BAHD1: variants seen among roughly 807,000 people sequenced by gnomAD.
BAHD1 encodes the protein bromo adjacent homology domain containing 1.
Under a neutral mutation model 63.1 loss-of-function variants are expected in BAHD1, and 20 were observed. The observed-to-expected ratio is 0.32, with a 90% CI of 0.22 to 0.46. BAHD1 has a LOEUF of 0.46. BAHD1 is among the 20% of genes least tolerant of loss of function. BAHD1 has a pLI of 1.00. For missense variants in BAHD1, 939 were observed against 1,071.8 expected, an observed-to-expected ratio of 0.88 and a Z score of 1.73; for synonymous variants, 408 against 426.8, an observed-to-expected ratio of 0.96 and a Z score of 0.54.
intron 3 of BAHD1, among the ~76,000 whole-genome samples, chr15:40,463,270 A>G (rs886584723): frequency 2.0e-5 from 3 of 152,238 alleles, no homozygotes; most frequent in African/African-American, 7.2e-5. Context: ...GCACCACTGC[A>G]TTCCAGCCTG....
intron 1 of BAHD1, among the ~76,000 whole-genome samples, chr15:40,442,341 C>T (rs1034620492): frequency 2.6e-5 from 4 of 151,892 alleles, no homozygotes; most frequent in African/African-American, 4.8e-5. Context: ...GCGGCACTGG[C>T]TTGCCGCTCT....
rs774137662 is a variant in BAHD1 at position 40,458,654 on chromosome 15, C to T, written c.190C>T (p.Pro64Ser). The T allele has an allele frequency of 6.2e-7, 1 of 1,613,674 alleles. No homozygotes were observed. The highest frequency in any genetic ancestry group is 8.5e-7 in the Non-Finnish European group (1 of 1,179,874). The change falls in exon 2 of 7, where the codon CCT becomes TCT. Residue 64 changes from proline to serine, a missense_variant. By Grantham distance (74) the Pro-to-Ser change is moderately conservative (BLOSUM62 -1). Transcript: ENST00000416165. This position sits in a 1 kb window ranked among gnomAD's most constrained non-coding sequence, Gnocchi z 4.7. ...NYPLRKRPLV[P>S]EKPKACKVLL... ...CCCACTTCGTAAGCGCCCATTGGTTCCTGAGAAGCCCAAGGCCTGCAAAGT... is the reference window on the plus strand; with the variant it reads ...CCCACTTCGTAAGCGCCCATTGGTTTCTGAGAAGCCCAAGGCCTGCAAAGT...
chr15:40,465,738 G>T (rs1894180810), intron 6 of BAHD1, among the ~76,000 whole-genome samples: 1 of 152,188 alleles, frequency 6.6e-6, no homozygotes, highest in Non-Finnish European at 1.5e-5. Context: ...AGAGGCCCTG[G>T]CAAGTGTGGT....
upstream of BAHD1, among the ~76,000 whole-genome samples, chr15:40,437,455 C>T (rs911957865): frequency 6.6e-6 from 1 of 152,220 alleles, no homozygotes; most frequent in Admixed American, 6.5e-5. Context: ...TTCCCCCACC[C>T]CCCAGGGGCT....
Position 40,458,309 on chromosome 15 carries a change from TC to T in BAHD1, c.-14-139del. 2.8e-6 allele frequency: 3 copies of T among 1,087,414 alleles called. No individual in the cohort carries two copies. The highest frequency in any genetic ancestry group is 2.5e-6 in the Non-Finnish European group (2 of 790,092). 67.4% of individuals were successfully genotyped at this position (1,087,414 alleles called of 1,614,324 possible). ...GCCCCTTCACACTCTGGAAAGGGAGTCCCAGGAAAATCCATACTGGAGACAG... is the reference window on the plus strand; with the variant it reads ...GCCCCTTCACACTCTGGAAAGGGAGTCCAGGAAAATCCATACTGGAGACAG... On this transcript the variant is annotated intron_variant, in intron 1 of 6. Transcript: ENST00000416165. This position sits in a 1 kb window ranked among gnomAD's most constrained non-coding sequence, Gnocchi z 4.7.
rs868103082 is a variant in BAHD1, at chr15:40,466,005, C to T, written c.2218C>T (p.Pro740Ser). 3 of 1,613,308 alleles carry T rather than the reference C, an allele frequency of 1.9e-6. No individual in the cohort carries two copies. Among genetic ancestry groups the T allele is most frequent in the Admixed American group, 1.7e-5 (1 of 59,796 alleles). The change falls in exon 7 of 7, where the codon CCC (proline) becomes TCC (serine). Residue 740 changes from proline to serine, a missense_variant. Transcript: ENST00000416165. ...LPSRKTALVP[P>S]SADYSTPPHR... ...CAGCCGAAAGACAGCACTGGTTCCC[C>T]CCTCTGCAGACTATTCCACCCCACC...
rs1364389975 is a variant in BAHD1 at position 40,465,946 on chromosome 15, G to A, written c.2159G>A (p.Cys720Tyr). ...VLTFAEYCRF[C>Y]AMAKRRGEGL... The stretch of plus-strand genomic sequence containing the variant: ...TGAATGGTATCTCTCTACAGGTTCT[G>A]TGCCATGGCCAAGCGCCGAGGTGAA... Residue 720 changes from cysteine (C) to tyrosine (Y), a missense_variant, in exon 7 of 7, where the codon TGT (cysteine) becomes TAT (tyrosine). Cys to Tyr is a radical substitution (Grantham distance 194, BLOSUM62 -2). This residue lies in a region of BAHD1 where 31 missense variants were observed against 68.1 expected (regional missense o/e 0.46). Transcript: ENST00000416165. 1.3e-6 allele frequency: 2 copies of A among 1,590,588 alleles called. No homozygotes were observed. The highest frequency in any genetic ancestry group is 1.7e-6 in the Non-Finnish European group (2 of 1,169,200).
Position 40,466,359 on chromosome 15 carries a change from A to G in BAHD1, c.*229A>G, listed in dbSNP as rs1894207928. The G allele has an allele frequency of 2.6e-5, 10 of 383,538 alleles. No homozygotes were observed. Among genetic ancestry groups the G allele is most frequent in the Non-Finnish European group, 3.7e-5 (8 of 215,920 alleles). 23.8% of individuals were successfully genotyped at this position (383,538 alleles called of 1,614,324 possible). ...CAGAACTCTCAGCTTGGCCCAAGGT[A>G]CCTTCTGTGGTTCCCCTGGGTGGAG... On this transcript the variant is annotated 3_prime_UTR_variant, in exon 7 of 7. Transcript: ENST00000416165.
chr15:40,462,380 TGGTTCTAGCTACTCTGAGAGCTG>T, intron 3 of BAHD1, 86 bp downstream of exon 3: 1 of 1,493,642 alleles, frequency 6.7e-7, no homozygotes, highest in Non-Finnish European at 9.0e-7. Context: ...TAGAAGCACC[TGGTTCTAGCTACTCTGAGAGCTG>T]ACAAGGGACT....
rs200116152 is a variant in BAHD1, at chr15:40,459,587, G to C, written c.1123G>C (p.Ala375Pro). The part of the protein sequence containing the change: ...NGLCVGPELT[A>P]LGSFYLYCGQ... ...CCTGTGTGTTGGGCCTGAGCTCACT[G>C]CACTAGGCAGCTTCTACCTGTACTG... Residue 375 changes from alanine (A) to proline (P), a missense_variant, in exon 2 of 7, where the codon GCA (alanine) becomes CCA (proline). Around this residue, in one of 5 missense-constraint regions of BAHD1, gnomAD observed 797 missense variants for 813.3 expected, o/e 0.98. Transcript: ENST00000416165. 9.3e-6 allele frequency: 15 copies of C among 1,614,206 alleles called. No individual in the cohort carries two copies. The highest frequency in any genetic ancestry group is 1.2e-5 in the Non-Finnish European group (14 of 1,180,038).
At chr15:40,456,166 G>A (rs1893844135) in intron 1 of BAHD1, among the ~76,000 whole-genome samples, 1 of 152,018 alleles carries the variant, frequency 6.6e-6, no homozygotes, top group African/African-American at 2.4e-5. Flanking sequence ...TTTTATTAGA[G>A]ACAGGGTTTC....
chr15:40,439,475 G>T (rs1024912059), upstream of BAHD1, among the ~76,000 whole-genome samples: 8 of 152,212 alleles, frequency 5.3e-5, no homozygotes, highest in African/African-American at 1.4e-4. Flanking sequence ...TGTGGTGCAG[G>T]AGGAGCCCCT....
chr15:40,458,949 G>A lies in BAHD1; in HGVS notation c.485G>A (p.Gly162Glu). The change falls in exon 2 of 7, where the codon GGG becomes GAG. Residue 162 changes from glycine to glutamate, a missense_variant. Around this residue, in one of 5 missense-constraint regions of BAHD1, gnomAD observed 797 missense variants for 813.3 expected, o/e 0.98. Coordinates refer to ENST00000416165, the MANE Select transcript of BAHD1 (RefSeq NM_014952.5). This position sits in a 1 kb window ranked among gnomAD's most constrained non-coding sequence, Gnocchi z 4.7. Reference protein sequence around the residue: ...HRSRDRDRATGGWSSSKKRPR... With the variant: ...HRSRDRDRATEGWSSSKKRPR... Reference sequence around the variant, plus strand: ...AGCCGTGACCGTGATCGTGCTACTGGGGGCTGGTCCTCCTCCAAGAAGCGG... The same window carrying A: ...AGCCGTGACCGTGATCGTGCTACTGAGGGCTGGTCCTCCTCCAAGAAGCGG... 6.3e-7 allele frequency: 1 copy of A among 1,591,650 alleles called. No homozygotes were observed. Among genetic ancestry groups the A allele is most frequent in the Non-Finnish European group, 8.6e-7 (1 of 1,167,366 alleles).
intron 2 of BAHD1, 114 bp from the exon 3 acceptor site, chr15:40,461,798 A>C: frequency 7.3e-7 from 1 of 1,361,962 alleles, no homozygotes; most frequent in South Asian, 1.5e-5. Flanking sequence ...CCCATCGGCC[A>C]CCTCAGTGGC....
At chr15:40,444,037 C>T (rs1467151709) in intron 1 of BAHD1, among the ~76,000 whole-genome samples, 7 of 152,122 alleles carry the variant, frequency 4.6e-5, no homozygotes, top group Admixed American at 3.3e-4. Flanking sequence ...GATTTTCTAA[C>T]GTGGTATCCT....
intron 1 of BAHD1, among the ~76,000 whole-genome samples, chr15:40,442,317 C>T (rs1002851147): frequency 1.3e-5 from 2 of 151,882 alleles, no homozygotes; most frequent in African/African-American, 4.8e-5. Flanking sequence ...CCGGGGCGCC[C>T]GCCGGGAGGA....
chr15:40,443,604 G>T (rs1281548492), intron 1 of BAHD1, among the ~76,000 whole-genome samples: 1 of 152,188 alleles, frequency 6.6e-6, no homozygotes, highest in Non-Finnish European at 1.5e-5. Flanking sequence ...GTTTGCTCCG[G>T]AGAGTTTAGC....
At chr15:40,446,607 G>A (rs1893547222) in intron 1 of BAHD1, among the ~76,000 whole-genome samples, 1 of 152,324 alleles carries the variant, frequency 6.6e-6, no homozygotes, top group South Asian at 2.1e-4. Context: ...TCTCAGCCTC[G>A]CTGATTTGAA....
chr15:40,464,013 C>G lies in BAHD1; in HGVS notation c.1968C>G (p.Pro656=). The change falls in exon 4 of 7, where the codon CCC becomes CCG. Residue 656 remains proline, a synonymous_variant. Transcript: ENST00000416165. ...VAKISALWEN[P]ESGELMMSLL... ...AGATCTCTGCCCTCTGGGAGAACCC[C>G]GAGTCAGGTACCTCTCCCTCTGGCT... is the stretch of plus-strand genomic sequence containing the variant. 1 of 1,614,044 alleles carries G rather than the reference C, an allele frequency of 6.2e-7. No homozygotes were observed. The highest frequency in any genetic ancestry group is 8.5e-7 in the Non-Finnish European group (1 of 1,179,976).
Sources: allele counts gnomAD v4.1 joint callset (sites outside exome capture counted in the v4.1 genomes callset), GRCh38; gene constraint gnomAD v4.1.1; regional missense constraint gnomAD v4.1.1; non-coding constraint Gnocchi (gnomAD v3.1); transcripts MANE v1.5; gene names NCBI Gene and HGNC (gene_info 2026-07-23, HGNC 2026-07-21).